NUP205: variants seen among roughly 807,000 people sequenced by gnomAD.
The protein encoded by NUP205 is nuclear pore complex protein Nup205.
In NUP205, 76 loss-of-function variants were observed where a neutral mutation model predicts 253.8. That is an observed-to-expected ratio of 0.30 (90% confidence interval 0.25 to 0.36). The LOEUF (loss-of-function observed/expected upper bound fraction) is 0.36, where lower values mean the gene tolerates loss of function less well. NUP205 is among the 10% of genes least tolerant of loss of function. The pLI, the probability that NUP205 is intolerant of heterozygous loss-of-function variation, is 1.00. For synonymous variants in NUP205, 832 were observed against 850.1 expected (o/e 0.98, Z 0.37); for missense variants, 2,162 against 2,425.5 (o/e 0.89, Z 2.28).
At chr7:135,571,333 A>G in intron 2 of NUP205, 86 bp downstream of exon 2, 3 of 926,842 alleles carry the variant, frequency 3.2e-6, no homozygotes, top group Non-Finnish European at 4.3e-6. Flanking sequence ...TTTTTTTTTA[A>G]TTTTCAAATT....
At position 135,570,695 on chromosome 7, in the gene NUP205, TA is replaced by T. The variant is rs1563109904; in HGVS notation, c.29-408del. On this transcript the variant is annotated intron_variant, in intron 1 of 42. Coordinates refer to ENST00000285968, the MANE Select transcript of NUP205 (RefSeq NM_015135.3). ...TTAATATATATTAATTATATTAATA[TA>T]ATTAATTATATTAATATAATTAATT... Among the ~76,000 whole-genome samples the T allele has an allele frequency of 1.1e-4, 7 of 65,864 alleles. No homozygotes were observed. The East Asian group carries it at 4.5e-3, about 42-fold the overall frequency. 43.2% of individuals were successfully genotyped at this position (65,864 alleles called of 152,430 possible).
Position 135,587,880 on chromosome 7 carries a change from C to A in NUP205, c.1361C>A (p.Pro454His), listed in dbSNP as rs1489921860. Residue 454 changes from proline (P) to histidine (H), a missense_variant, in exon 10 of 43, where the codon CCT (proline) becomes CAT (histidine). Around this residue, in one of 5 missense-constraint regions of NUP205, gnomAD observed 892 missense variants for 957.1 expected, o/e 0.93. Transcript: ENST00000285968. ...LLIGELYKKN[P>H]FHLELALEYW... The stretch of plus-strand genomic sequence containing the variant: ...ATTGGCGAGCTATATAAAAAGAACC[C>A]TTTTCATCTGGAGCTTGCTCTAGAA... 1 of 1,613,598 alleles carries A rather than the reference C, an allele frequency of 6.2e-7. No individual in the cohort carries two copies. Among genetic ancestry groups the A allele is most frequent in the Non-Finnish European group, 8.5e-7 (1 of 1,179,804 alleles).
At chr7:135,600,758 A>ACAAG (rs1236614607) in intron 15 of NUP205, 112 bp from the exon 16 acceptor site, 4 of 556,692 alleles carry the variant, frequency 7.2e-6, no homozygotes, top group Admixed American at 6.0e-5. Context: ...AATAAAGTGG[A>ACAAG]CAAGAAACTT....
At chr7:135,631,841 C>T (rs112515975) in intron 35 of NUP205, among the ~76,000 whole-genome samples, 5 of 151,830 alleles carry the variant, frequency 3.3e-5, no homozygotes, top group Non-Finnish European at 7.4e-5. Context: ...GCTCCGCCTC[C>T]CCGATTCACG....
intron 1 of NUP205, among the ~76,000 whole-genome samples, chr7:135,565,403 C>G (rs778556673): frequency 4.6e-5 from 7 of 151,856 alleles, no homozygotes; most frequent in Admixed American, 6.6e-5. Flanking sequence ...TCCTCCTGTA[C>G]TGCCCTCATC....
intron 1 of NUP205, among the ~76,000 whole-genome samples, chr7:135,568,283 C>T (rs1354357698): frequency 6.6e-6 from 1 of 151,256 alleles, no homozygotes; most frequent in Admixed American, 6.6e-5. Flanking sequence ...TGGGACAGAA[C>T]ACAAAATATC....
intron 22 of NUP205, among the ~76,000 whole-genome samples, chr7:135,612,549 G>T (rs952678070): frequency 6.6e-6 from 1 of 152,190 alleles, no homozygotes; most frequent in African/African-American, 2.4e-5. Flanking sequence ...GCACAAAAAT[G>T]CAAAAAACGT....
intron 35 of NUP205, among the ~76,000 whole-genome samples, chr7:135,630,700 G>A (rs1005489148): frequency 3.3e-5 from 5 of 152,156 alleles, no homozygotes; most frequent in African/African-American, 1.2e-4. Flanking sequence ...GAGGCAGGAT[G>A]ATTGCTTGAG....
At chr7:135,597,753 A>T in intron 14 of NUP205, 1 of 477,140 alleles carries the variant, frequency 2.1e-6, no homozygotes, top group Admixed American at 3.7e-5. Context: ...TTTTAAAAGA[A>T]ACATTAAAGA....
intron 15 of NUP205, among the ~76,000 whole-genome samples, chr7:135,600,148 T>C (rs925795733): frequency 6.6e-6 from 1 of 152,232 alleles, no homozygotes; most frequent in African/African-American, 2.4e-5. Flanking sequence ...ATTAAAATTC[T>C]ATGTAGTGGA....
intron 18 of NUP205, 117 bp downstream of exon 18, chr7:135,603,111 A>AT: frequency 2.1e-5 from 10 of 485,892 alleles, no homozygotes; most frequent in Admixed American, 5.7e-5. Context: ...GCCTCATTTT[A>AT]CTTTTTTTTT....
intron 33 of NUP205, among the ~76,000 whole-genome samples, chr7:135,626,755 C>T (rs964285987): frequency 3.3e-5 from 5 of 152,086 alleles, no homozygotes; most frequent in Non-Finnish European, 1.5e-5. Flanking sequence ...CTTGCTAATT[C>T]AAAAGCTTCA....
chr7:135,567,816 T>C (rs1466804187), intron 1 of NUP205, among the ~76,000 whole-genome samples: 2 of 152,208 alleles, frequency 1.3e-5, no homozygotes, highest in Non-Finnish European at 2.9e-5. Flanking sequence ...GTTGAGTAAT[T>C]GGTTTTGACC....
At chr7:135,585,033 A>T (rs1243418167) in intron 8 of NUP205, 26 bp downstream of exon 8, 1 of 1,509,872 alleles carries the variant, frequency 6.6e-7, no homozygotes, top group South Asian at 1.2e-5. Context: ...TAGGATGAGT[A>T]AATAGTAGAA....
At chr7:135,624,233 G>A (rs1327077199) in intron 31 of NUP205, among the ~76,000 whole-genome samples, 1 of 151,490 alleles carries the variant, frequency 6.6e-6, no homozygotes, top group Non-Finnish European at 1.5e-5. Flanking sequence ...ACAGAGTCTT[G>A]CTCTGTTGCC....
At chr7:135,620,043 A>G (rs1366851648) in intron 30 of NUP205, among the ~76,000 whole-genome samples, 155 bp downstream of exon 30, 1 of 152,242 alleles carries the variant, frequency 6.6e-6, no homozygotes, top group African/African-American at 2.4e-5. Context: ...TTGAGGAAGA[A>G]TGTTTAGTTT....
chr7:135,576,716 T>C (rs895751274), intron 4 of NUP205, among the ~76,000 whole-genome samples: 2 of 152,008 alleles, frequency 1.3e-5, no homozygotes, highest in Non-Finnish European at 2.9e-5. Context: ...ATCCCATCTC[T>C]ACAAAAAATA....
At chr7:135,558,148 C>T (rs1328977604) in intron 1 of NUP205, 176 bp downstream of exon 1, 16 of 653,326 alleles carry the variant, frequency 2.4e-5, no homozygotes, top group Admixed American at 4.7e-5. Flanking sequence ...CGCGTCGGTG[C>T]TGCGGCTCCA....
Position 135,607,434 on chromosome 7 carries a change from G to T in NUP205, c.3195+63G>T, listed in dbSNP as rs868420085. 7.0e-6 allele frequency: 11 copies of T among 1,561,426 alleles called. No homozygotes were observed. In the East Asian group the frequency reaches 1.6e-4, roughly 23 times the overall value. On this transcript the variant is annotated intron_variant, in intron 22 of 42. Transcript: ENST00000285968. ...GAAACTTGACCAGGTGCATGAGTAC[G>T]CCACAGATATGACAGTATAACAGCA...
Sources: gnomAD v4.1 joint callset for allele counts (sites outside exome capture counted in the v4.1 genomes callset) on GRCh38, gnomAD v4.1.1 for gene constraint, gnomAD v4.1.1 regional missense constraint, MANE v1.5 for transcripts, NCBI Gene and HGNC (gene_info 2026-07-23, HGNC 2026-07-21) for gene names.